Variants in SH3RF1 observed in about 807,000 individuals in gnomAD.
SH3RF1 encodes E3 ubiquitin-protein ligase SH3RF1.
A neutral mutation model predicts 74.0 loss-of-function variants in SH3RF1; 32 were observed. The ratio of observed to expected loss-of-function variants is 0.43; its 90% CI spans 0.33 to 0.58. The LOEUF (loss-of-function observed/expected upper bound fraction) is 0.58, where lower values mean the gene tolerates loss of function less well. Ranked by LOEUF, SH3RF1 falls within the 20% of genes least tolerant of loss-of-function variation. The pLI, the probability that SH3RF1 is intolerant of heterozygous loss-of-function variation, is 0.05. For missense variants in SH3RF1, 954 were observed against 1,130.9 expected, an observed-to-expected ratio of 0.84 and a Z score of 2.24; for synonymous variants, 396 against 439.6, an observed-to-expected ratio of 0.90 and a Z score of 1.24.
At chr4:169,225,547 T>A (rs1443395318) in intron 2 of SH3RF1, among the ~76,000 whole-genome samples, 2 of 152,140 alleles carry the variant, frequency 1.3e-5, no homozygotes, top group African/African-American at 4.8e-5. Context: ...GAGGGTAAAC[T>A]GGGTAAAAGG....
chr4:169,153,237 A>G (rs1734001500), intron 4 of SH3RF1, among the ~76,000 whole-genome samples: 1 of 152,194 alleles, frequency 6.6e-6, no homozygotes, highest in Non-Finnish European at 1.5e-5. Context: ...TGCATAAGAC[A>G]TAGTGGTGTC....
At chr4:169,196,137 T>C (rs1268976930) in intron 2 of SH3RF1, among the ~76,000 whole-genome samples, 1 of 152,174 alleles carries the variant, frequency 6.6e-6, no homozygotes, top group Non-Finnish European at 1.5e-5. Context: ...ATAAAGTCTA[T>C]TTCTATAATG....
intron 2 of SH3RF1, among the ~76,000 whole-genome samples, chr4:169,243,414 G>A (rs1730945915): frequency 6.6e-6 from 1 of 152,236 alleles, no homozygotes; most frequent in South Asian, 2.1e-4. Flanking sequence ...TCAGGATGCT[G>A]AGGCAGAAGA....
intron 2 of SH3RF1, among the ~76,000 whole-genome samples, chr4:169,206,637 G>C (rs1345952787): frequency 1.3e-5 from 2 of 152,190 alleles, no homozygotes. Flanking sequence ...CTGCTACAAA[G>C]ATAAATTATA....
intron 5 of SH3RF1, among the ~76,000 whole-genome samples, chr4:169,132,374 T>G (rs1156336523): frequency 1.3e-5 from 2 of 152,158 alleles, no homozygotes; most frequent in Non-Finnish European, 2.9e-5. Context: ...TGTGAGCAGG[T>G]GGACCAGAGG....
chr4:169,100,769 C>T (rs1349163153), intron 11 of SH3RF1, among the ~76,000 whole-genome samples: 1 of 152,180 alleles, frequency 6.6e-6, no homozygotes, highest in Non-Finnish European at 1.5e-5. Flanking sequence ...GGTGATCAGG[C>T]CCTAATCTCT....
intron 2 of SH3RF1, among the ~76,000 whole-genome samples, chr4:169,249,141 T>C (rs1261986274): frequency 6.6e-6 from 1 of 151,984 alleles, no homozygotes; most frequent in African/African-American, 2.4e-5. Flanking sequence ...GGCAGGAGAA[T>C]GGCGTGAACC....
intron 2 of SH3RF1, among the ~76,000 whole-genome samples, chr4:169,211,878 G>A (rs573071091): frequency 1.3e-5 from 2 of 152,128 alleles, no homozygotes; most frequent in East Asian, 1.9e-4. Context: ...CTTGGAGAGG[G>A]GGCTTTTCAA....
In SH3RF1 at chr4:169,254,251, T is replaced by C. The variant is rs112459313; in HGVS notation, c.393+14569A>G. Among the ~76,000 whole-genome samples the C allele has an allele frequency of 2.8e-3, 423 of 152,362 alleles. 1 individual carries two copies. The highest frequency in any genetic ancestry group is 9.6e-3 in the African/African-American group (401 of 41,588). On this transcript the variant is annotated intron_variant, in intron 2 of 11. Transcript: ENST00000284637. The stretch of plus-strand genomic sequence containing the variant: ...AGTATTTACTGAACTGACCACCTAC[T>C]ACTTTTTCCACAGTCATGAGCAGAA...
Position 169,116,527 on chromosome 4 carries a change from C to A in SH3RF1, c.1881G>T (p.Ser627=), listed in dbSNP as rs149220793. 7 of 1,612,784 alleles carry A rather than the reference C, an allele frequency of 4.3e-6. No individual in the cohort carries two copies. The highest frequency in any genetic ancestry group is 5.9e-6 in the Non-Finnish European group (7 of 1,179,490). Residue 627 remains serine (S), a synonymous_variant, in exon 10 of 12, where the codon TCG becomes TCT. Coordinates refer to ENST00000284637, the MANE Select transcript of SH3RF1 (RefSeq NM_020870.4). ...SPASVGLSHH[S]LASPQPAPLM... ...GAGGCGCAGGTTGTGGGGAGGCCAG[C>A]GAGTGATGGGACAGGCCCACAGATG...
intron 4 of SH3RF1, among the ~76,000 whole-genome samples, chr4:169,141,338 T>A (rs183874962): frequency 1.4e-4 from 21 of 152,346 alleles, no homozygotes; most frequent in Non-Finnish European, 2.8e-4. Flanking sequence ...TGCATATCAA[T>A]AGGGATAGGC....
intron 2 of SH3RF1, among the ~76,000 whole-genome samples, chr4:169,267,563 A>G (rs965838820): frequency 6.6e-6 from 1 of 152,230 alleles, no homozygotes; most frequent in Non-Finnish European, 1.5e-5. Context: ...CAGAGTTCTC[A>G]CTATCTTTAA....
intron 5 of SH3RF1, among the ~76,000 whole-genome samples, chr4:169,134,757 C>A (rs1360785112): frequency 6.6e-6 from 1 of 152,132 alleles, no homozygotes; most frequent in Non-Finnish European, 1.5e-5. Flanking sequence ...ACATGGTTCC[C>A]CTCTCTACCC....
chr4:169,264,281 C>T (rs1731319852), intron 2 of SH3RF1, among the ~76,000 whole-genome samples: 1 of 152,208 alleles, frequency 6.6e-6, no homozygotes, highest in Non-Finnish European at 1.5e-5. Flanking sequence ...TTCACATGGT[C>T]TTCCCTATGT....
chr4:169,229,471 CA>C (rs1730699970), intron 2 of SH3RF1, among the ~76,000 whole-genome samples: 1 of 151,294 alleles, frequency 6.6e-6, no homozygotes, highest in Non-Finnish European at 1.5e-5. Context: ...ACCACCCCCC[CA>C]CCCAAAAAAA....
At chr4:169,204,307 CA>C (rs1730196940) in intron 2 of SH3RF1, among the ~76,000 whole-genome samples, 1 of 152,108 alleles carries the variant, frequency 6.6e-6, no homozygotes, top group Non-Finnish European at 1.5e-5. Flanking sequence ...AATGAATTTC[CA>C]GCACCTCATT....
chr4:169,216,350 ATTTTCATT>A (rs1335077574), intron 2 of SH3RF1, among the ~76,000 whole-genome samples: 1 of 152,162 alleles, frequency 6.6e-6, no homozygotes, highest in African/African-American at 2.4e-5. Flanking sequence ...GCATTTAAAA[ATTTTCATT>A]ATTTGTCTTC....
rs1361626260 is a variant in SH3RF1, at chr4:169,094,603, A to G, written c.*1916T>C. 2 of 152,224 alleles carry G rather than the reference A, an allele frequency of 1.3e-5. No homozygotes were observed. Among genetic ancestry groups the G allele is most frequent in the Non-Finnish European group, 2.9e-5 (2 of 68,024 alleles). 9.4% of individuals were successfully genotyped at this position (152,224 alleles called of 1,614,324 possible). A position where few individuals can be genotyped will look rare whatever the true frequency, so the allele number is the denominator to read the frequency against. ...TTTTAAAATTTTTATAAAATACACT[A>G]ATTTCCCAAAATAAAGAATATTATG... On this transcript the variant is annotated 3_prime_UTR_variant, in exon 12 of 12. Coordinates refer to ENST00000284637, the MANE Select transcript of SH3RF1 (RefSeq NM_020870.4).
At position 169,117,505 on chromosome 4, in the gene SH3RF1, G is replaced by C; in HGVS notation, c.1777+18C>G. 6.2e-7 allele frequency: 1 copy of C among 1,612,600 alleles called. No homozygotes were observed. ...AAGCCCTTTATCCTGATATGTTCTG[G>C]CCTGGGTTCCTCCTTACCTGTCCTC... On this transcript the variant is annotated intron_variant, in intron 9 of 11. Transcript: ENST00000284637.
Sources: allele counts gnomAD v4.1 joint callset (sites outside exome capture counted in the v4.1 genomes callset), GRCh38; gene constraint gnomAD v4.1.1; transcripts MANE v1.5; gene names NCBI Gene and HGNC (gene_info 2026-07-23, HGNC 2026-07-21).